The following TBCK variants were observed in gnomAD, a reference collection of about 807,000 sequenced individuals.
TBCK encodes the protein TBC domain-containing protein kinase-like protein.
In TBCK, 99 loss-of-function variants were observed where a neutral mutation model predicts 113.4. The ratio of observed to expected loss-of-function variants is 0.87; its 90% confidence interval spans 0.74 to 1.03. TBCK has a LOEUF of 1.03. Ranked by LOEUF, TBCK falls within the 50% of genes least tolerant of loss-of-function variation. The pLI, the probability that TBCK is intolerant of heterozygous loss-of-function variation, is 0.00. For synonymous variants in TBCK, 369 were observed against 370.8 expected (o/e 1.00, Z 0.05); for missense variants, 1,045 against 1,061.3 (o/e 0.98, Z 0.21).
At chr4:106,104,161 G>T (rs1741871466) in intron 24 of TBCK, among the ~76,000 whole-genome samples, 1 of 152,208 alleles carries the variant, frequency 6.6e-6, no homozygotes, top group Non-Finnish European at 1.5e-5. Flanking sequence ...CTTTGGCAAA[G>T]TAGAAGGTTA....
At chr4:106,090,724 TA>T (rs1477020710) in intron 25 of TBCK, among the ~76,000 whole-genome samples, 2 of 152,140 alleles carry the variant, frequency 1.3e-5, no homozygotes, top group African/African-American at 4.8e-5. Flanking sequence ...TAATTAAGTT[TA>T]AACTCAGATC....
At chr4:106,310,722 C>A (rs1163103714) in intron 1 of TBCK, 1 of 152,096 alleles carries the variant, frequency 6.6e-6, no homozygotes, top group East Asian at 1.9e-4. Flanking sequence ...TCCCAGGAAG[C>A]CTTAGCTCTT....
intron 3 of TBCK, among the ~76,000 whole-genome samples, chr4:106,292,364 G>A (rs2125834552): frequency 6.6e-6 from 1 of 152,214 alleles, no homozygotes; most frequent in East Asian, 1.9e-4. Context: ...GAGGTCAGGA[G>A]ATCGAGATCA....
intron 25 of TBCK, among the ~76,000 whole-genome samples, chr4:106,061,160 G>C (rs1269760898): frequency 6.6e-6 from 1 of 151,834 alleles, no homozygotes; most frequent in East Asian, 1.9e-4. Context: ...CAGGATTGGA[G>C]AGTATTGACT....
chr4:106,253,552 A>G (rs781237279), intron 5 of TBCK, among the ~76,000 whole-genome samples: 7 of 152,156 alleles, frequency 4.6e-5, no homozygotes, highest in Middle Eastern at 3.2e-3. Flanking sequence ...AGTTATACCA[A>G]TCTATACACT....
At chr4:106,086,556 G>A (rs1190196000) in intron 25 of TBCK, among the ~76,000 whole-genome samples, 1 of 152,194 alleles carries the variant, frequency 6.6e-6, no homozygotes, top group African/African-American at 2.4e-5. Flanking sequence ...AACTGAAAAG[G>A]AGGGACTCCT....
At chr4:106,136,081 T>C (rs1746517771) in intron 23 of TBCK, among the ~76,000 whole-genome samples, 1 of 142,036 alleles carries the variant, frequency 7.0e-6, no homozygotes, top group Admixed American at 6.9e-5. Flanking sequence ...TATTAATATC[T>C]AGATTAAGTG....
chr4:106,308,001 C>T (rs569769494), intron 2 of TBCK, among the ~76,000 whole-genome samples: 125 of 151,994 alleles, frequency 8.2e-4, no homozygotes, highest in African/African-American at 2.8e-3. Context: ...CATTTGAAGA[C>T]AGTTGCCAAA....
At chr4:106,166,811 G>T (rs1750419383) in intron 23 of TBCK, among the ~76,000 whole-genome samples, 1 of 151,350 alleles carries the variant, frequency 6.6e-6, no homozygotes, top group Non-Finnish European at 1.5e-5. Flanking sequence ...CACAATAAAA[G>T]ATGAAATAAT....
intron 24 of TBCK, among the ~76,000 whole-genome samples, chr4:106,106,756 C>T (rs752580297): frequency 2.0e-5 from 3 of 152,080 alleles, no homozygotes; most frequent in Non-Finnish European, 4.4e-5. Context: ...CACCAGCTAA[C>T]AGCACAATGA....
intron 22 of TBCK, among the ~76,000 whole-genome samples, chr4:106,173,232 G>T (rs1467597180): frequency 6.6e-6 from 1 of 152,164 alleles, no homozygotes; most frequent in East Asian, 1.9e-4. Context: ...ATATCAACTT[G>T]TTATTTCACA....
intron 25 of TBCK, among the ~76,000 whole-genome samples, chr4:106,060,495 T>C (rs957880426): frequency 6.6e-6 from 1 of 151,744 alleles, no homozygotes; most frequent in Non-Finnish European, 1.5e-5. Flanking sequence ...TTACTGAATA[T>C]TTTAAGTTCT....
intron 22 of TBCK, among the ~76,000 whole-genome samples, chr4:106,189,342 C>CAAAAA (rs1189938399): frequency 1.7e-5 from 1 of 59,452 alleles, no homozygotes. Context: ...GACTCCATCT[C>CAAAAA]AAAAAAAAAA....
At chr4:106,047,179 A>G (rs553660082) in intron 25 of TBCK, among the ~76,000 whole-genome samples, 1 of 152,266 alleles carries the variant, frequency 6.6e-6, no homozygotes, top group African/African-American at 2.4e-5. Context: ...AATCACAACT[A>G]ACATTTTGAG....
chr4:106,272,188 C>G (rs1040039719), intron 3 of TBCK, among the ~76,000 whole-genome samples: 9 of 152,202 alleles, frequency 5.9e-5, no homozygotes, highest in African/African-American at 2.2e-4. Context: ...GTCATCTAAC[C>G]TCTAAGTATC....
chr4:106,265,814 T>C (rs1579446237), intron 3 of TBCK, among the ~76,000 whole-genome samples: 1 of 151,784 alleles, frequency 6.6e-6, no homozygotes, highest in East Asian at 1.9e-4. Flanking sequence ...CCTCAAATAT[T>C]ACCTCTGGTA....
At chr4:106,083,604 G>A (rs558804698) in intron 25 of TBCK, among the ~76,000 whole-genome samples, 1 of 152,310 alleles carries the variant, frequency 6.6e-6, no homozygotes, top group South Asian at 2.1e-4. Context: ...TCATTAAACA[G>A]GTCCTGCTCC....
At chr4:106,262,488 T>G (rs544007602) in intron 3 of TBCK, among the ~76,000 whole-genome samples, 20 of 152,168 alleles carry the variant, frequency 1.3e-4, no homozygotes, top group Non-Finnish European at 2.1e-4. Flanking sequence ...GGGCTTTAAT[T>G]TTGGTGGTGA....
At chr4:106,281,290 A>G (rs1764562857) in intron 3 of TBCK, among the ~76,000 whole-genome samples, 1 of 137,602 alleles carries the variant, frequency 7.3e-6, no homozygotes. Flanking sequence ...GAATTCATTT[A>G]TCACTTCTAA....
Sources: allele counts gnomAD v4.1 joint callset (sites outside exome capture counted in the v4.1 genomes callset), GRCh38; gene constraint gnomAD v4.1.1; transcripts MANE v1.5; gene names NCBI Gene and HGNC (gene_info 2026-07-23, HGNC 2026-07-21).